The following PI4KA variants were observed in gnomAD, a reference collection of about 807,000 sequenced individuals.
PI4KA encodes the protein PI4-kinase alpha.
Under a neutral mutation model 271.4 loss-of-function variants are expected in PI4KA, and 122 were observed. The ratio of observed to expected loss-of-function variants is 0.45; its 90% confidence interval spans 0.39 to 0.52. The LOEUF (loss-of-function observed/expected upper bound fraction) is 0.52, where lower values mean the gene tolerates loss of function less well. Ranked by LOEUF, PI4KA falls within the 20% of genes least tolerant of loss-of-function variation. PI4KA has a pLI of 0.00. For missense variants in PI4KA, 1,969 were observed against 2,769.1 expected (o/e 0.71, Z 6.48); for synonymous variants, 1,041 against 1,078.8 (o/e 0.96, Z 0.69).
intron 1 of PI4KA, among the ~76,000 whole-genome samples, chr22:20,854,989 T>C (rs1927417053): frequency 6.6e-6 from 1 of 151,954 alleles, no homozygotes; most frequent in African/African-American, 2.4e-5. Flanking sequence ...CCATCTCTAC[T>C]AAAAATACAA....
At chr22:20,840,089 T>C (rs1372574242) in intron 1 of PI4KA, among the ~76,000 whole-genome samples, 2 of 152,204 alleles carry the variant, frequency 1.3e-5, no homozygotes, top group South Asian at 2.1e-4. Flanking sequence ...ACACAGAAGA[T>C]ACATTCCACT....
At chr22:20,810,337 T>A (rs1935921395) in intron 9 of PI4KA, among the ~76,000 whole-genome samples, 1 of 151,894 alleles carries the variant, frequency 6.6e-6, no homozygotes, top group Non-Finnish European at 1.5e-5. Flanking sequence ...AAACCCAGTC[T>A]CTACTAAAAA....
At chr22:20,844,198 G>A (rs924660359) in intron 1 of PI4KA, among the ~76,000 whole-genome samples, 1 of 152,152 alleles carries the variant, frequency 6.6e-6, no homozygotes, top group Non-Finnish European at 1.5e-5. Flanking sequence ...AGAGAGGCCT[G>A]TGACCTCCTC....
At chr22:20,721,574 TC>T in intron 42 of PI4KA, 156 bp from the exon 43 acceptor site, 1 of 723,822 alleles carries the variant, frequency 1.4e-6, no homozygotes, top group Non-Finnish European at 2.3e-6. Flanking sequence ...TGATGTTGAG[TC>T]CAGCCAGTGG....
At chr22:20,726,250 GC>G in intron 42 of PI4KA, 1 of 410,342 alleles carries the variant, frequency 2.4e-6, no homozygotes. Context: ...GCTGGCAACA[GC>G]CCCAGAACCG....
At chr22:20,729,851 A>G in intron 37 of PI4KA, 41 bp downstream of exon 37, 8 of 1,612,646 alleles carry the variant, frequency 5.0e-6, no homozygotes, top group African/African-American at 1.3e-5. Context: ...CTAGAATGAT[A>G]GCTTGCATGT....
At chr22:20,792,783 C>T (rs1050925813) in intron 19 of PI4KA, among the ~76,000 whole-genome samples, 2 of 152,184 alleles carry the variant, frequency 1.3e-5, no homozygotes, top group Admixed American at 6.5e-5. Flanking sequence ...GCTCCGAGGC[C>T]TGAGCGCCGA....
chr22:20,790,699 A>ACAC (rs1934576040), intron 19 of PI4KA, among the ~76,000 whole-genome samples: 5 of 139,310 alleles, frequency 3.6e-5, no homozygotes, highest in African/African-American at 2.7e-5. Context: ...AAAAAAAACA[A>ACAC]ACACACACAC....
intron 43 of PI4KA, 143 bp from the exon 44 acceptor site, chr22:20,718,965 G>A (rs1601325779): frequency 2.3e-6 from 2 of 857,112 alleles, no homozygotes; most frequent in South Asian, 1.7e-5. Context: ...GCTGCCGTGT[G>A]CCCCTTTTGC....
chr22:20,732,711 T>C (rs1167111747), intron 36 of PI4KA, among the ~76,000 whole-genome samples: 1 of 152,214 alleles, frequency 6.6e-6, no homozygotes, highest in African/African-American at 2.4e-5. Flanking sequence ...TGAACGCAGC[T>C]GGTGCCAGTG....
At chr22:20,832,333 T>C (rs1390593118) in intron 3 of PI4KA, among the ~76,000 whole-genome samples, 3 of 152,146 alleles carry the variant, frequency 2.0e-5, no homozygotes, top group African/African-American at 4.8e-5. Context: ...GCAAGGCTGG[T>C]CTTGAACTCC....
rs1376029202 is a variant in PI4KA at position 20,822,617 on chromosome 22, G to A, written c.456+1709C>T. Among the ~76,000 whole-genome samples the A allele has an allele frequency of 4.6e-5, 7 of 152,248 alleles. No homozygotes were observed. The East Asian group carries it at 1.3e-3, about 29-fold the overall frequency. On this transcript the variant is annotated intron_variant, in intron 4 of 54. Transcript: ENST00000255882. ...GGTCCTGCTAGGCCGATACCTCACT[G>A]ATCACCCTTTGGGACAGTCCTTCAG...
At chr22:20,765,714 G>T in intron 19 of PI4KA, 21 bp from the exon 20 acceptor site, 4 of 1,500,970 alleles carry the variant, frequency 2.7e-6, no homozygotes, top group Non-Finnish European at 3.7e-6. Flanking sequence ...AAGAAGAGAG[G>T]GAGAAAGGAG....
At chr22:20,742,170 C>G (rs1929533279) in intron 32 of PI4KA, 58 bp downstream of exon 32, 22 of 1,562,844 alleles carry the variant, frequency 1.4e-5, no homozygotes, top group Non-Finnish European at 1.9e-5. Flanking sequence ...CCAGGGAAGG[C>G]TCTTCCCGTC....
At chr22:20,825,088 C>T (rs377641934) in intron 3 of PI4KA, among the ~76,000 whole-genome samples, 1 of 45,590 alleles carries the variant, frequency 2.2e-5, no homozygotes. Flanking sequence ...AAAAAAAAAT[C>T]AATTTTGAAT....
chr22:20,718,850 C>T lies in PI4KA; in HGVS notation c.5117-28G>A, dbSNP rs1350737494. ...GCCAAGGAAGCAAAGAGGCTTAAGTCTCTGTGGCTGTGGCAGAGGCCCCTC... is the reference window on the plus strand; with the variant it reads ...GCCAAGGAAGCAAAGAGGCTTAAGTTTCTGTGGCTGTGGCAGAGGCCCCTC... On this transcript the variant is annotated intron_variant, in intron 43 of 54. Coordinates refer to ENST00000255882, the MANE Select transcript of PI4KA (RefSeq NM_058004.4). The T allele has an allele frequency of 2.5e-6, 4 of 1,611,654 alleles. No homozygotes were observed. The Admixed American group carries it at 6.7e-5, about 27-fold the overall frequency.
At position 20,796,178 on chromosome 22, in the gene PI4KA, C is replaced by T. The variant is rs1473722732; in HGVS notation, c.2245G>A (p.Glu749Lys). The T allele has an allele frequency of 3.1e-6, 5 of 1,613,840 alleles. No homozygotes were observed. The highest frequency in any genetic ancestry group is 3.3e-5 in the Admixed American group (2 of 59,994). ...QLGLEGKRAS[E>K]RASEKGPALK... ...GCAGGGCCCTTCTCGCTTGCCCTCT[C>T]GCTGGCTCGCTTCCCCTCCAGCCCC... The change falls in exon 18 of 55, where the codon GAG (glutamate) becomes AAG (lysine). Residue 749 changes from glutamate to lysine, a missense_variant. By Grantham distance (56) the Glu-to-Lys change is moderately conservative. Transcript: ENST00000255882.
At chr22:20,767,592 A>G (rs1932650025) in intron 19 of PI4KA, among the ~76,000 whole-genome samples, 1 of 151,862 alleles carries the variant, frequency 6.6e-6, no homozygotes, top group African/African-American at 2.4e-5. Context: ...CCTTCCCAGT[A>G]GCAGGGAGGA....
At chr22:20,834,824 C>G (rs2147763248) in intron 2 of PI4KA, among the ~76,000 whole-genome samples, 169 bp from the exon 3 acceptor site, 1 of 152,356 alleles carries the variant, frequency 6.6e-6, no homozygotes, top group Admixed American at 6.5e-5. Context: ...CACTCCATTC[C>G]TGTTTTCACA....
Sources: gnomAD v4.1 joint callset for allele counts (sites outside exome capture counted in the v4.1 genomes callset) on GRCh38, gnomAD v4.1.1 for gene constraint, MANE v1.5 for transcripts, NCBI Gene and HGNC (gene_info 2026-07-23, HGNC 2026-07-21) for gene names.